The following SPAST variants were observed in gnomAD, a reference collection of about 807,000 sequenced individuals.
SPAST encodes spastic paraplegia 4 (autosomal dominant; spastin).
A neutral mutation model predicts 76.6 loss-of-function variants in SPAST; 30 were observed. That is an observed-to-expected ratio of 0.39 (90% CI 0.29 to 0.53). The LOEUF (loss-of-function observed/expected upper bound fraction) is 0.53, where lower values mean the gene tolerates loss of function less well. Ranked by LOEUF, SPAST falls within the 20% of genes least tolerant of loss-of-function variation. The probability of loss-of-function intolerance (pLI) is 0.68; values close to 1 mark genes in which losing one functional copy is unlikely to be tolerated. For missense variants in SPAST, 717 were observed against 770.5 expected, an observed-to-expected ratio of 0.93 and a Z score of 0.82; for synonymous variants, 305 against 281.0, an observed-to-expected ratio of 1.09 and a Z score of -0.86.
intron 1 of SPAST, among the ~76,000 whole-genome samples, chr2:32,066,678 A>AT (rs1676524721): frequency 6.6e-6 from 1 of 151,612 alleles, no homozygotes; most frequent in African/African-American, 2.4e-5. Flanking sequence ...GAAAAAAAAA[A>AT]GTAGGTCATT....
chr2:32,069,214 CAAAA>C (rs56319240), intron 1 of SPAST, among the ~76,000 whole-genome samples: 6 of 114,726 alleles, frequency 5.2e-5, no homozygotes, highest in Non-Finnish European at 5.4e-5. Flanking sequence ...CTCCATCTCT[CAAAA>C]AAAAAAAAAA....
chr2:32,109,227 G>T (rs942571472), intron 4 of SPAST, among the ~76,000 whole-genome samples: 1 of 152,042 alleles, frequency 6.6e-6, no homozygotes, highest in South Asian at 2.1e-4. Flanking sequence ...TCCTGTCTCA[G>T]CCTCCCCGGT....
chr2:32,089,224 G>C lies in SPAST; in HGVS notation c.503-298G>C, dbSNP rs1257051959. ...ATTTTTTTTTTTTTTTTTTTAAGTA[G>C]AGACCAGATCTCTTTATGTTGCCCA... On this transcript the variant is annotated intron_variant, in intron 2 of 16. Coordinates refer to ENST00000315285, the MANE Select transcript of SPAST (RefSeq NM_014946.4). Among the ~76,000 whole-genome samples, 11 of 71,468 alleles carry C rather than the reference G, an allele frequency of 1.5e-4. 1 individual carries two copies. In the East Asian group the frequency reaches 8.7e-3, roughly 57 times the overall value. The allele number at this position is 71,468 out of a possible 152,430, so 46.9% of individuals were successfully genotyped here.
At chr2:32,145,093 AT>A (rs1053320496) in intron 15 of SPAST, 86 bp downstream of exon 15, 1,360 of 950,188 alleles carry the variant, frequency 1.4e-3, no homozygotes, top group East Asian at 1.7e-3. Context: ...CTACCAAGAG[AT>A]TTTTTTTTTC....
chr2:32,064,391 T>A, intron 1 of SPAST, 145 bp downstream of exon 1: 1 of 736,602 alleles, frequency 1.4e-6, no homozygotes. Flanking sequence ...TGCTTTCCCG[T>A]AGGTCGGAGC....
In SPAST at chr2:32,128,394, T is replaced by G; in HGVS notation, c.1174-14T>G. 6.3e-7 allele frequency: 1 copy of G among 1,582,136 alleles called. No homozygotes were observed. Among genetic ancestry groups the G allele is most frequent in the East Asian group, 2.2e-5 (1 of 44,714 alleles). On this transcript the variant is annotated splice_polypyrimidine_tract_variant and intron_variant, in intron 8 of 16. Transcript: ENST00000315285. ...ATTGAACTAATTTAATATTTGCTCT[T>G]GTGATTTTTAAAGGCTAAAGCAGTA...
intron 7 of SPAST, among the ~76,000 whole-genome samples, chr2:32,116,537 C>T (rs1678842285): frequency 6.6e-6 from 1 of 152,118 alleles, no homozygotes; most frequent in Admixed American, 6.5e-5. Flanking sequence ...ATGATCTTAG[C>T]TCACTGCAAC....
chr2:32,084,362 C>T (rs570953907), intron 1 of SPAST, among the ~76,000 whole-genome samples: 2 of 151,262 alleles, frequency 1.3e-5, no homozygotes, highest in South Asian at 4.2e-4. Context: ...GACAGGGTTT[C>T]ACTGTGTTAG....
At chr2:32,070,828 G>C (rs1178150337) in intron 1 of SPAST, among the ~76,000 whole-genome samples, 1 of 152,118 alleles carries the variant, frequency 6.6e-6, no homozygotes, top group Non-Finnish European at 1.5e-5. Context: ...TGGTGATCTT[G>C]CCCTGTTGAC....
At position 32,111,332 on chromosome 2, in the gene SPAST, GTA is replaced by G. The variant is rs1047922981; in HGVS notation, c.683-3299_683-3298del. Among the ~76,000 whole-genome samples, 59 of 127,654 alleles carry G rather than the reference GTA, an allele frequency of 4.6e-4. 3 individuals carry two copies. The highest frequency in any genetic ancestry group is 1.6e-3 in the African/African-American group (58 of 36,958). 83.7% of individuals were successfully genotyped at this position (127,654 alleles called of 152,430 possible). On this transcript the variant is annotated intron_variant, in intron 4 of 16. Coordinates refer to ENST00000315285, the MANE Select transcript of SPAST (RefSeq NM_014946.4). Reference sequence around the variant, plus strand: ...CAGTATACTGTATAGTGTGTATAGCGTATATATACAGTATACTGTATAGTGTG... The same window carrying G: ...CAGTATACTGTATAGTGTGTATAGCGTATATACAGTATACTGTATAGTGTG...
intron 7 of SPAST, among the ~76,000 whole-genome samples, chr2:32,119,459 T>C (rs1345576906): frequency 6.6e-6 from 1 of 152,138 alleles, no homozygotes; most frequent in Non-Finnish European, 1.5e-5. Flanking sequence ...AAACACAGAA[T>C]CATAATTAGT....
intron 16 of SPAST, among the ~76,000 whole-genome samples, chr2:32,148,884 G>A (rs1679983357): frequency 6.6e-6 from 1 of 150,606 alleles, no homozygotes; most frequent in Admixed American, 6.6e-5. Flanking sequence ...TGAGGCAGGA[G>A]AATCACTTGA....
At chr2:32,107,245 T>G (rs1440629848) in intron 4 of SPAST, among the ~76,000 whole-genome samples, 2 of 152,116 alleles carry the variant, frequency 1.3e-5, no homozygotes, top group East Asian at 3.9e-4. Flanking sequence ...CGACTCTTTT[T>G]TTTTTGAGAT....
intron 1 of SPAST, among the ~76,000 whole-genome samples, chr2:32,083,054 C>T (rs986871423): frequency 6.6e-6 from 1 of 152,032 alleles, no homozygotes. Context: ...TCACTGCAAC[C>T]TCTGCCTCCC....
At chr2:32,079,216 G>T (rs1237843235) in intron 1 of SPAST, among the ~76,000 whole-genome samples, 1 of 152,148 alleles carries the variant, frequency 6.6e-6, no homozygotes, top group Non-Finnish European at 1.5e-5. Context: ...GGATATCACT[G>T]ATTAGAACTG....
chr2:32,115,775 A>G lies in SPAST; in HGVS notation c.944A>G (p.Lys315Arg). ...TTATRKKKDL[K>R]NFRNVDSNLA... is the part of the protein sequence containing the mutation. ...GCTACTCGTAAGAAAAAAGACTTGA[A>G]GAATTTTAGGAATGTGGACAGCAAC... Residue 315 changes from lysine to arginine, a missense_variant, in exon 6 of 17, where the codon AAG becomes AGG. Around this residue, in one of 3 missense-constraint regions of SPAST, gnomAD observed 543 missense variants for 445.2 expected, o/e 1.22. Transcript: ENST00000315285. 1.2e-6 allele frequency: 2 copies of G among 1,611,992 alleles called. No homozygotes were observed. The highest frequency in any genetic ancestry group is 1.1e-5 in the South Asian group (1 of 90,950).
At chr2:32,150,323 C>T (rs948941018) in intron 16 of SPAST, among the ~76,000 whole-genome samples, 8 of 146,116 alleles carry the variant, frequency 5.5e-5, no homozygotes, top group African/African-American at 2.0e-4. Context: ...ATCTCCTGAC[C>T]TTGGGATCCG....
intron 4 of SPAST, among the ~76,000 whole-genome samples, chr2:32,100,460 T>C (rs1274387016): frequency 6.6e-6 from 1 of 151,912 alleles, no homozygotes; most frequent in Non-Finnish European, 1.5e-5. Context: ...ATAATAATTA[T>C]ATATATATTT....
intron 1 of SPAST, among the ~76,000 whole-genome samples, chr2:32,073,120 C>A (rs982686866): frequency 3.9e-5 from 6 of 152,146 alleles, no homozygotes; most frequent in Admixed American, 2.0e-4. Flanking sequence ...TACAGTTAAA[C>A]CCTATTAAAC....
Sources: gnomAD v4.1 joint callset for allele counts (sites outside exome capture counted in the v4.1 genomes callset) on GRCh38, gnomAD v4.1.1 for gene constraint, gnomAD v4.1.1 regional missense constraint, MANE v1.5 for transcripts, NCBI Gene and HGNC (gene_info 2026-07-23, HGNC 2026-07-21) for gene names.